DAPP1: variants seen among roughly 807,000 people sequenced by gnomAD.
DAPP1 encodes dual adapter for phosphotyrosine and 3-phosphotyrosine and 3-phosphoinositide.
A neutral mutation model predicts 41.5 loss-of-function variants in DAPP1; 20 were observed. That is an observed-to-expected ratio of 0.48 (90% CI 0.34 to 0.70). The LOEUF (loss-of-function observed/expected upper bound fraction) is 0.70. Among genes scored for constraint, DAPP1 ranks in the 30% least tolerant of loss-of-function variants. DAPP1 has a pLI of 0.01. For synonymous variants in DAPP1, 113 were observed against 116.2 expected (o/e 0.97, Z 0.18); for missense variants, 233 against 333.4 (o/e 0.70, Z 2.35).
intron 8 of DAPP1, among the ~76,000 whole-genome samples, chr4:99,866,385 T>C (rs1724458224): frequency 6.6e-6 from 1 of 152,206 alleles, no homozygotes; most frequent in South Asian, 2.1e-4. Flanking sequence ...AGACTTCCTA[T>C]AAGGTGTGTC....
At chr4:99,833,910 A>T (rs138476937) in intron 1 of DAPP1, among the ~76,000 whole-genome samples, 2 of 152,330 alleles carry the variant, frequency 1.3e-5, no homozygotes, top group African/African-American at 4.8e-5. Context: ...AGCACATCTC[A>T]TCCATGTTAA....
chr4:99,869,348 C>G lies in DAPP1; in HGVS notation c.*1163C>G, dbSNP rs149374899. 5 of 152,240 alleles carry G rather than the reference C, an allele frequency of 3.3e-5. No individual in the cohort carries two copies. In the East Asian group the frequency reaches 7.7e-4, roughly 24 times the overall value. The allele number at this position is 152,240 out of a possible 1,614,324, so 9.4% of individuals were successfully genotyped here. On this transcript the variant is annotated 3_prime_UTR_variant, in exon 9 of 9. Coordinates refer to ENST00000512369, the MANE Select transcript of DAPP1 (RefSeq NM_014395.3). Reference sequence around the variant, plus strand: ...GTTCATTGGCAGAATCTAACCCCTTCTGTTATCTTTTTTAATACTATTTTT... The same window carrying G: ...GTTCATTGGCAGAATCTAACCCCTTGTGTTATCTTTTTTAATACTATTTTT...
Position 99,861,806 on chromosome 4 carries a change from ATGACT to A in DAPP1, c.537+187_537+191del, listed in dbSNP as rs1451907555. Among the ~76,000 whole-genome samples, 3 of 152,230 alleles carry A rather than the reference ATGACT, an allele frequency of 2.0e-5. No homozygotes were observed. In the East Asian group the frequency reaches 5.8e-4, roughly 29 times the overall value. ...GGCTCATTAGTCAAAATTCTGGAAA[ATGACT>A]TGACTGTTCTTTGACAAAGCCCTGC... On this transcript the variant is annotated intron_variant, in intron 5 of 8. Transcript: ENST00000512369.
chr4:99,818,405 C>A (rs751611173), intron 1 of DAPP1, among the ~76,000 whole-genome samples: 1 of 152,160 alleles, frequency 6.6e-6, no homozygotes, highest in Non-Finnish European at 1.5e-5. Context: ...ACTGTATTCC[C>A]AGCCCACTGT....
intron 4 of DAPP1, among the ~76,000 whole-genome samples, chr4:99,854,006 A>T (rs999399935): frequency 6.6e-6 from 1 of 152,142 alleles, no homozygotes; most frequent in Non-Finnish European, 1.5e-5. Flanking sequence ...ATATTTTTTT[A>T]AATATTTCAA....
At chr4:99,847,657 C>T (rs1352400087) in intron 3 of DAPP1, among the ~76,000 whole-genome samples, 3 of 152,166 alleles carry the variant, frequency 2.0e-5, no homozygotes, top group Admixed American at 6.5e-5. Flanking sequence ...CTCCTGTTGC[C>T]TTTTTCTAAA....
downstream of DAPP1, among the ~76,000 whole-genome samples, chr4:99,870,586 G>C (rs900767499): frequency 6.6e-6 from 1 of 152,194 alleles, no homozygotes; most frequent in Non-Finnish European, 1.5e-5. Context: ...CCCAAGTGGA[G>C]CCTGTGAGGG....
chr4:99,868,350 G>C lies in DAPP1; in HGVS notation c.*165G>C. 1 of 626,340 alleles carries C rather than the reference G, an allele frequency of 1.6e-6. No homozygotes were observed. Among genetic ancestry groups the C allele is most frequent in the Non-Finnish European group, 2.8e-6 (1 of 354,496 alleles). 38.8% of individuals were successfully genotyped at this position (626,340 alleles called of 1,614,324 possible). A position where few individuals can be genotyped will look rare whatever the true frequency, so the allele number is the denominator to read the frequency against. ...CCCATATACCACGTTGCTGACTCAC[G>C]TTGCTGCCCTTCCATGATGTTGCCA... is the stretch of plus-strand genomic sequence containing the variant. On this transcript the variant is annotated 3_prime_UTR_variant, in exon 9 of 9. Coordinates refer to ENST00000512369, the MANE Select transcript of DAPP1 (RefSeq NM_014395.3).
Position 99,868,668 on chromosome 4 carries a change from GA to G in DAPP1, c.*484del, listed in dbSNP as rs1724545788. ...GAAAACATCAAATATTTTCAGGGGA[GA>G]GGTTTTTTTTTTTAATTTTTCCCCC... On this transcript the variant is annotated 3_prime_UTR_variant, in exon 9 of 9. Coordinates refer to ENST00000512369, the MANE Select transcript of DAPP1 (RefSeq NM_014395.3). The G allele has an allele frequency of 6.8e-6, 1 of 147,974 alleles. No homozygotes were observed. Among genetic ancestry groups the G allele is most frequent in the Non-Finnish European group, 1.5e-5 (1 of 66,954 alleles). The allele number at this position is 147,974 out of a possible 1,614,324, so 9.2% of individuals were successfully genotyped here. A position where few individuals can be genotyped will look rare whatever the true frequency, so the allele number is the denominator to read the frequency against.
chr4:99,835,721 C>T lies in DAPP1; in HGVS notation c.200C>T (p.Thr67Ile), dbSNP rs920634897. The T allele has an allele frequency of 3.7e-6, 6 of 1,613,748 alleles. No homozygotes were observed. The highest frequency in any genetic ancestry group is 2.7e-5 in the African/African-American group (2 of 74,902). Residue 67 changes from threonine to isoleucine, a missense_variant, in exon 2 of 9, where the codon ACC (threonine) becomes ATC (isoleucine). Transcript: ENST00000512369. ...CTTCTGAGGGACAGCAATGAGACCA[C>T]CGGGCTGTACTCTCTCTCTGTGAGG... ...SYLLRDSNET[T>I]GLYSLSVRAK...
At chr4:99,853,084 A>G (rs559966024) in intron 3 of DAPP1, 134 bp from the exon 4 acceptor site, 3 of 973,606 alleles carry the variant, frequency 3.1e-6, no homozygotes, top group East Asian at 5.2e-5. Flanking sequence ...GTATTTGATA[A>G]CTGTTGAGAT....
chr4:99,868,039 C>A, intron 8 of DAPP1, 78 bp from the exon 9 acceptor site: 1 of 1,239,174 alleles, frequency 8.1e-7, no homozygotes, highest in South Asian at 1.2e-5. Flanking sequence ...ATCAACATGT[C>A]TTATTTAATA....
chr4:99,824,491 T>G (rs941300901), intron 1 of DAPP1, among the ~76,000 whole-genome samples: 1 of 152,204 alleles, frequency 6.6e-6, no homozygotes, highest in Non-Finnish European at 1.5e-5. Context: ...AACCATGGAA[T>G]AGAGAAGAGA....
At chr4:99,851,743 T>C (rs1723871533) in intron 3 of DAPP1, among the ~76,000 whole-genome samples, 1 of 151,764 alleles carries the variant, frequency 6.6e-6, no homozygotes. Flanking sequence ...TTAGTAGAGA[T>C]GGGGTTTCAC....
chr4:99,842,381 TTATCCAA>T (rs769843575), intron 3 of DAPP1, among the ~76,000 whole-genome samples: 9 of 152,378 alleles, frequency 5.9e-5, no homozygotes, highest in Non-Finnish European at 1.0e-4. Flanking sequence ...GTTCTATTCA[TTATCCAA>T]TGAAGAATTT....
At chr4:99,839,342 G>A (rs1025517425) in intron 2 of DAPP1, among the ~76,000 whole-genome samples, 2 of 147,630 alleles carry the variant, frequency 1.4e-5, no homozygotes, top group African/African-American at 5.1e-5. Flanking sequence ...ATAAAGTGGA[G>A]AGGCAGATAT....
chr4:99,831,165 C>T (rs910916988), intron 1 of DAPP1, among the ~76,000 whole-genome samples: 16 of 152,210 alleles, frequency 1.1e-4, no homozygotes, highest in African/African-American at 2.9e-4. Context: ...TATAGGGGAA[C>T]GTGTTAAAAC....
intron 4 of DAPP1, 141 bp from the exon 5 acceptor site, chr4:99,861,437 T>C: frequency 1.1e-6 from 1 of 872,024 alleles, no homozygotes; most frequent in African/African-American, 1.7e-5. Flanking sequence ...TGGAAGCTTT[T>C]CAAGTGCCTA....
chr4:99,858,029 G>C (rs1376594347), intron 4 of DAPP1, among the ~76,000 whole-genome samples: 3 of 152,146 alleles, frequency 2.0e-5, no homozygotes, highest in African/African-American at 7.2e-5. Flanking sequence ...CCATCACCCT[G>C]AATATTTCAG....
Sources: allele counts gnomAD v4.1 joint callset (sites outside exome capture counted in the v4.1 genomes callset), GRCh38; gene constraint gnomAD v4.1.1; transcripts MANE v1.5; gene names NCBI Gene and HGNC (gene_info 2026-07-23, HGNC 2026-07-21).